The following CASP10 variants were observed in gnomAD, a reference collection of about 807,000 sequenced individuals.
CASP10 encodes the protein caspase-10.
Under a neutral mutation model 48.5 loss-of-function variants are expected in CASP10, and 41 were observed. That is an observed-to-expected ratio of 0.85 (90% CI 0.66 to 1.10). The LOEUF is 1.10. Ranked by LOEUF, CASP10 falls within the 50% of genes least tolerant of loss-of-function variation. CASP10 has a pLI of 0.00. For synonymous variants in CASP10, 232 were observed against 238.4 expected (o/e 0.97, Z 0.25); for missense variants, 614 against 614.5 (o/e 1.00, Z 0.01).
At position 201,209,331 on chromosome 2, in the gene CASP10, T is replaced by C. The variant is rs1361665913; in HGVS notation, c.1184T>C (p.Leu395Pro). 1 of 1,614,132 alleles carries C rather than the reference T, an allele frequency of 6.2e-7. No homozygotes were observed. The highest frequency in any genetic ancestry group is 1.1e-5 in the South Asian group (1 of 91,074). ...QCPRLAEKPK[L>P]FFIQACQGEE... The stretch of plus-strand genomic sequence containing the variant: ...CCTAGACTGGCTGAAAAACCTAAAC[T>C]CTTTTTCATCCAGGCCTGCCAAGGT... The change falls in exon 9 of 10, where the codon CTC becomes CCC. Residue 395 changes from leucine to proline, a missense_variant. Transcript: ENST00000286186.
chr2:201,216,676 T>C (rs564557971), intron 9 of CASP10, among the ~76,000 whole-genome samples: 2 of 152,110 alleles, frequency 1.3e-5, no homozygotes, highest in Non-Finnish European at 2.9e-5. Flanking sequence ...CTTGACCCAA[T>C]ATACATCCTT....
chr2:201,220,238 T>A lies in CASP10; in HGVS notation c.*2497T>A, dbSNP rs1945687968. 1.4e-6 allele frequency: 1 copy of A among 738,918 alleles called. No homozygotes were observed. The highest frequency in any genetic ancestry group is 6.1e-5 in the South Asian group (1 of 16,272). 45.8% of individuals were successfully genotyped at this position (738,918 alleles called of 1,614,324 possible). A position where few individuals can be genotyped will look rare whatever the true frequency, so the allele number is the denominator to read the frequency against. ...CCAGTTCCCTTTCTAGCCTCATGCA[T>A]TTCAAGGAAATCACTTCTTTTCTAA... On this transcript the variant is annotated 3_prime_UTR_variant, in exon 10 of 10. Coordinates refer to ENST00000286186, the MANE Select transcript of CASP10 (RefSeq NM_032977.4).
chr2:201,184,609 C>A (rs1027091953), intron 1 of CASP10, among the ~76,000 whole-genome samples: 1 of 152,260 alleles, frequency 6.6e-6, no homozygotes, highest in African/African-American at 2.4e-5. Flanking sequence ...TAGGCGTAAG[C>A]CATGACACCC....
chr2:201,199,569 CTTTTT>C (rs761866954), intron 5 of CASP10, among the ~76,000 whole-genome samples: 1 of 122,518 alleles, frequency 8.2e-6, no homozygotes, highest in Non-Finnish European at 1.7e-5. Flanking sequence ...CTCCTTTAAT[CTTTTT>C]TTTTTTTTTT....
intron 3 of CASP10, among the ~76,000 whole-genome samples, chr2:201,191,766 G>A (rs1308122417): frequency 6.6e-6 from 1 of 152,154 alleles, no homozygotes; most frequent in Non-Finnish European, 1.5e-5. Flanking sequence ...AGAAATGTAA[G>A]CAGTATAGCT....
chr2:201,199,323 A>T (rs975792668), intron 5 of CASP10, among the ~76,000 whole-genome samples: 2 of 152,080 alleles, frequency 1.3e-5, no homozygotes, highest in Admixed American at 1.3e-4. Context: ...TTTTTAAACC[A>T]TCTAGTACAA....
Position 201,206,081 on chromosome 2 carries a change from T to C in CASP10, c.813+108T>C, listed in dbSNP as rs750637055. The stretch of plus-strand genomic sequence containing the variant: ...TCTCTCCCTAGGGTCCAGCCTTCGA[T>C]GATTTTAAGGGCTCCGAGCTGTTTG... On this transcript the variant is annotated intron_variant, in intron 7 of 9. Transcript: ENST00000286186. The C allele has an allele frequency of 2.5e-5, 17 of 678,580 alleles. No individual in the cohort carries two copies. The African/African-American group carries it at 2.9e-4, about 12-fold the overall frequency. The allele number at this position is 678,580 out of a possible 1,614,324, so 42.0% of individuals were successfully genotyped here.
downstream of CASP10, among the ~76,000 whole-genome samples, chr2:201,224,389 C>T (rs1280321177): frequency 6.6e-6 from 1 of 152,048 alleles, no homozygotes; most frequent in African/African-American, 2.4e-5. Context: ...CTGTTTATTT[C>T]CTAACATAAC....
chr2:201,186,130 G>A lies in CASP10; in HGVS notation c.347+6G>A, dbSNP rs754607963. ...CAAAGGGTTTCTCTGTTTAGGTGAG[G>A]ACGGGTCTGTGGTGGAGATGGGAGG... is the stretch of plus-strand genomic sequence containing the variant. On this transcript the variant is annotated splice_donor_region_variant and intron_variant, in intron 2 of 9. Transcript: ENST00000286186. 65 of 1,606,726 alleles carry A rather than the reference G, an allele frequency of 4.0e-5. No individual in the cohort carries two copies. Among genetic ancestry groups the A allele is most frequent in the Non-Finnish European group, 5.3e-5 (62 of 1,175,508 alleles).
At chr2:201,189,275 T>A (rs1389551260) in intron 3 of CASP10, among the ~76,000 whole-genome samples, 5 of 151,394 alleles carry the variant, frequency 3.3e-5, no homozygotes, top group South Asian at 4.2e-4. Flanking sequence ...CAGTTATTTT[T>A]TTTTTTTTTT....
downstream of CASP10, among the ~76,000 whole-genome samples, chr2:201,223,652 G>A (rs944418991): frequency 4.6e-5 from 7 of 152,280 alleles, no homozygotes; most frequent in East Asian, 5.8e-4. Context: ...TGAGATTTGC[G>A]TTGTATGTGA....
At chr2:201,207,258 A>G (rs895977535) in intron 7 of CASP10, among the ~76,000 whole-genome samples, 21 of 152,226 alleles carry the variant, frequency 1.4e-4, no homozygotes, top group South Asian at 4.1e-4. Context: ...CAGAATCCCC[A>G]GTTTTTCAAT....
At chr2:201,193,207 G>T (rs1396738911) in intron 4 of CASP10, 88 bp downstream of exon 4, 3 of 1,371,932 alleles carry the variant, frequency 2.2e-6, no homozygotes, top group Non-Finnish European at 3.1e-6. Flanking sequence ...TATTTGTTTT[G>T]TTTTGTTTTG....
At chr2:201,200,596 G>A (rs1325493336) in intron 5 of CASP10, 17 of 1,546,954 alleles carry the variant, frequency 1.1e-5, no homozygotes, top group Admixed American at 2.0e-5. Context: ...CCTGCTCTTC[G>A]GCTCTGCCCT....
chr2:201,213,276 C>T (rs1404234787), intron 9 of CASP10: 7 of 152,058 alleles, frequency 4.6e-5, no homozygotes, highest in Non-Finnish European at 4.4e-5. Flanking sequence ...TTTGATTAAA[C>T]TATATTTACA....
chr2:201,217,398 C>T (rs1945604070), intron 9 of CASP10, among the ~76,000 whole-genome samples, 190 bp from the exon 10 acceptor site: 1 of 151,932 alleles, frequency 6.6e-6, no homozygotes, highest in Admixed American at 6.6e-5. Flanking sequence ...GGTGAAACCC[C>T]ATCTTTACTA....
At chr2:201,198,539 CTTTTTTT>C (rs34234167) in intron 5 of CASP10, among the ~76,000 whole-genome samples, 1 of 87,980 alleles carries the variant, frequency 1.1e-5, no homozygotes, top group African/African-American at 4.9e-5. Context: ...TTTTTTAATT[CTTTTTTT>C]TTTTTTTTTT....
chr2:201,191,624 C>T (rs1379289870), intron 3 of CASP10, among the ~76,000 whole-genome samples: 1 of 152,164 alleles, frequency 6.6e-6, no homozygotes, highest in African/African-American at 2.4e-5. Context: ...ATTACTTACC[C>T]ACCATTGGAA....
At chr2:201,227,060 C>T (rs1945796399) in intron 9 of CASP10, among the ~76,000 whole-genome samples, 1 of 151,650 alleles carries the variant, frequency 6.6e-6, no homozygotes, top group Non-Finnish European at 1.5e-5. Flanking sequence ...TAGTAGTTGC[C>T]TGGGATGGGA....
Sources: allele counts gnomAD v4.1 joint callset (sites outside exome capture counted in the v4.1 genomes callset), GRCh38; gene constraint gnomAD v4.1.1; transcripts MANE v1.5; gene names NCBI Gene and HGNC (gene_info 2026-07-23, HGNC 2026-07-21).